Variants in PTPRR observed in about 807,000 individuals in gnomAD.
PTPRR encodes the protein receptor-type tyrosine-protein phosphatase R.
In PTPRR, 38 loss-of-function variants were observed where a neutral mutation model predicts 77.2. The observed-to-expected ratio is 0.49, with a 90% CI of 0.38 to 0.65. The LOEUF (loss-of-function observed/expected upper bound fraction) is 0.65. Among genes scored for constraint, PTPRR ranks in the 30% least tolerant of loss-of-function variants. The pLI, the probability that PTPRR is intolerant of heterozygous loss-of-function variation, is 0.00. For synonymous variants in PTPRR, 299 were observed against 283.1 expected, an observed-to-expected ratio of 1.06 and a Z score of -0.57; for missense variants, 744 against 799.2, an observed-to-expected ratio of 0.93 and a Z score of 0.83.
chr12:70,683,313 G>A (rs1004885962), intron 10 of PTPRR, among the ~76,000 whole-genome samples: 3 of 152,028 alleles, frequency 2.0e-5, no homozygotes, highest in South Asian at 2.1e-4. Flanking sequence ...AAATGAAAGC[G>A]GTACCTCGGA....
chr12:70,892,854 A>G lies in PTPRR; in HGVS notation c.182T>C (p.Ile61Thr). ...AGAGGAATGGTAGCTATGTCTGTAG[A>G]TTTTTTGTGGGGCTATATCCAGGCT... ...EKSLDIAPQK[I>T]YRHSYHSSSE... Residue 61 changes from isoleucine (I) to threonine (T), a missense_variant, in exon 2 of 14, where the codon ATC (isoleucine) becomes ACC (threonine). This residue lies in a region of PTPRR where 570 missense variants were observed against 573.2 expected (regional missense o/e 0.99). Transcript: ENST00000283228. 1 of 1,613,558 alleles carries G rather than the reference A, an allele frequency of 6.2e-7. No individual in the cohort carries two copies. The highest frequency in any genetic ancestry group is 1.1e-5 in the South Asian group (1 of 91,072).
At chr12:70,817,331 G>A (rs1891921708) in intron 2 of PTPRR, among the ~76,000 whole-genome samples, 1 of 152,240 alleles carries the variant, frequency 6.6e-6, no homozygotes, top group East Asian at 1.9e-4. Flanking sequence ...AATAGAGAAA[G>A]ATGCCAATGG....
chr12:70,706,419 G>A (rs1888621667), intron 6 of PTPRR, among the ~76,000 whole-genome samples: 1 of 151,918 alleles, frequency 6.6e-6, no homozygotes, highest in African/African-American at 2.4e-5. Flanking sequence ...AATCCTGAAG[G>A]GAAGAAATAA....
chr12:70,771,239 G>T (rs1890968913), intron 2 of PTPRR, among the ~76,000 whole-genome samples: 1 of 152,008 alleles, frequency 6.6e-6, no homozygotes, highest in African/African-American at 2.4e-5. Context: ...ATGAAATTAT[G>T]TTCTTTGCAG....
intron 2 of PTPRR, among the ~76,000 whole-genome samples, chr12:70,767,142 A>G (rs1353940597): frequency 6.6e-6 from 1 of 152,162 alleles, no homozygotes; most frequent in Non-Finnish European, 1.5e-5. Flanking sequence ...TCATAATGAC[A>G]GGATCAAATT....
chr12:70,776,480 A>T (rs1435642315), intron 2 of PTPRR, among the ~76,000 whole-genome samples: 1 of 152,044 alleles, frequency 6.6e-6, no homozygotes, highest in East Asian at 1.9e-4. Context: ...TGTTCAAAAT[A>T]CTCTGAAAAA....
At chr12:70,784,555 C>A (rs1214436031) in intron 2 of PTPRR, among the ~76,000 whole-genome samples, 1 of 152,220 alleles carries the variant, frequency 6.6e-6, no homozygotes, top group Non-Finnish European at 1.5e-5. Flanking sequence ...CAGCAGGCTG[C>A]TGTTGGGGGT....
chr12:70,674,128 T>A (rs1238761944), intron 10 of PTPRR, among the ~76,000 whole-genome samples: 1 of 152,094 alleles, frequency 6.6e-6, no homozygotes, highest in African/African-American at 2.4e-5. Context: ...GAGATATAAG[T>A]CTCATTACAT....
intron 2 of PTPRR, among the ~76,000 whole-genome samples, chr12:70,797,636 C>A (rs1169203702): frequency 6.6e-6 from 1 of 152,192 alleles, no homozygotes; most frequent in East Asian, 1.9e-4. Flanking sequence ...TCACCAATGA[C>A]CTCCAAACTG....
intron 2 of PTPRR, among the ~76,000 whole-genome samples, chr12:70,876,228 A>G (rs1012115918): frequency 3.3e-5 from 5 of 152,182 alleles, no homozygotes; most frequent in Non-Finnish European, 5.9e-5. Flanking sequence ...ATGTAAATGT[A>G]AAAGGAAACA....
intron 2 of PTPRR, among the ~76,000 whole-genome samples, chr12:70,867,018 T>G (rs2137085785): frequency 6.6e-6 from 1 of 151,696 alleles, no homozygotes; most frequent in Middle Eastern, 3.4e-3. Flanking sequence ...CTCAATAAAT[T>G]AGGTATTGGT....
At chr12:70,863,480 A>T (rs1008610615) in intron 2 of PTPRR, among the ~76,000 whole-genome samples, 2 of 152,154 alleles carry the variant, frequency 1.3e-5, no homozygotes, top group Non-Finnish European at 2.9e-5. Flanking sequence ...TAATTTGTGA[A>T]AAATTAATGC....
At chr12:70,866,749 A>T (rs1032560983) in intron 2 of PTPRR, among the ~76,000 whole-genome samples, 19 of 152,330 alleles carry the variant, frequency 1.2e-4, no homozygotes, top group African/African-American at 3.6e-4. Flanking sequence ...TTTTAGACCA[A>T]TATCCTTGAT....
rs139977324 is a variant in PTPRR at position 70,902,368 on chromosome 12, C to T, written c.59-9391G>A. Reference sequence around the variant, plus strand: ...TATGAAAAAGATACTTGCAAACACACGTTTATAGCAGCACAATTCGCAATT... The same window carrying T: ...TATGAAAAAGATACTTGCAAACACATGTTTATAGCAGCACAATTCGCAATT... On this transcript the variant is annotated intron_variant, in intron 1 of 13. Coordinates refer to ENST00000283228, the MANE Select transcript of PTPRR (RefSeq NM_002849.4). 1.7e-3 allele frequency among the ~76,000 whole-genome samples: 264 copies of T among 151,874 alleles called. 2 individuals carry two copies. Among genetic ancestry groups the T allele is most frequent in the Middle Eastern group, 3.4e-3 (1 of 294 alleles).
chr12:70,680,160 C>T (rs923981936), intron 10 of PTPRR, among the ~76,000 whole-genome samples: 2 of 152,190 alleles, frequency 1.3e-5, no homozygotes, highest in African/African-American at 4.8e-5. Flanking sequence ...TCTAGACTTT[C>T]CCTTCCCCCA....
intron 8 of PTPRR, among the ~76,000 whole-genome samples, chr12:70,696,952 C>G (rs1460764454): frequency 2.0e-5 from 3 of 152,064 alleles, no homozygotes; most frequent in African/African-American, 4.8e-5. Context: ...TTTATTGATT[C>G]TATTGTGTGA....
chr12:70,896,023 C>T (rs1161757046), intron 1 of PTPRR, among the ~76,000 whole-genome samples: 1 of 151,518 alleles, frequency 6.6e-6, no homozygotes, highest in African/African-American at 2.4e-5. Flanking sequence ...GATATGGACA[C>T]ATTTAAAGTG....
At chr12:70,865,649 C>A (rs1167967188) in intron 2 of PTPRR, among the ~76,000 whole-genome samples, 2 of 152,140 alleles carry the variant, frequency 1.3e-5, no homozygotes, top group Admixed American at 1.3e-4. Context: ...TGGATTAACT[C>A]AAAGTTTTCT....
chr12:70,881,108 A>C (rs542761106), intron 2 of PTPRR, among the ~76,000 whole-genome samples: 1 of 152,322 alleles, frequency 6.6e-6, no homozygotes, highest in East Asian at 1.9e-4. Context: ...ATTTAAAAAC[A>C]GACCAGCTTC....
Sources: gnomAD v4.1 joint callset for allele counts (sites outside exome capture counted in the v4.1 genomes callset) on GRCh38, gnomAD v4.1.1 for gene constraint, gnomAD v4.1.1 regional missense constraint, MANE v1.5 for transcripts, NCBI Gene and HGNC (gene_info 2026-07-23, HGNC 2026-07-21) for gene names.